The following PACSIN2 variants were observed in gnomAD, a reference collection of about 807,000 sequenced individuals.
The protein encoded by PACSIN2 is protein kinase C and casein kinase substrate in neurons 2.
Under a neutral mutation model 63.8 loss-of-function variants are expected in PACSIN2, and 25 were observed. The ratio of observed to expected loss-of-function variants is 0.39; its 90% confidence interval spans 0.29 to 0.55. The LOEUF is 0.55. Ranked by LOEUF, PACSIN2 falls within the 20% of genes least tolerant of loss-of-function variation. PACSIN2 has a pLI of 0.62. For synonymous variants in PACSIN2, 255 were observed against 256.2 expected (o/e 1.00, Z 0.05); for missense variants, 518 against 646.9 (o/e 0.80, Z 2.16).
rs759308087 is a variant in PACSIN2 at position 42,871,309 on chromosome 22, C to A, written c.*48G>T. ...TGGATGCCCACGTGGCTGGCTGAGG[C>A]TCCTGGGCCCGCCGCCTCCGTCCCC... On this transcript the variant is annotated 3_prime_UTR_variant, in exon 11 of 11. Transcript: ENST00000263246. The surrounding 1 kb of genome is among the most constrained non-coding windows in gnomAD (Gnocchi z 5.4). 5 of 1,227,644 alleles carry A rather than the reference C, an allele frequency of 4.1e-6. No individual in the cohort carries two copies. Among genetic ancestry groups the A allele is most frequent in the Non-Finnish European group, 6.0e-6 (5 of 832,472 alleles). The allele number at this position is 1,227,644 out of a possible 1,614,324, so 76.0% of individuals were successfully genotyped here. A position where few individuals can be genotyped will look rare whatever the true frequency, so the allele number is the denominator to read the frequency against.
intron 1 of PACSIN2, among the ~76,000 whole-genome samples, chr22:42,950,664 G>A (rs10483215): frequency 0.06 from 9,175 of 152,204 alleles, 907 homozygotes; most frequent in African/African-American, 0.21. Context: ...GCATTCTTAC[G>A]TCTAAAAAGC....
At chr22:42,994,258 T>C (rs1923247998) in intron 1 of PACSIN2, among the ~76,000 whole-genome samples, 1 of 152,166 alleles carries the variant, frequency 6.6e-6, no homozygotes, top group Admixed American at 6.5e-5. Context: ...ACAGGCCTGC[T>C]CTTAACCCCA....
At chr22:42,965,473 G>A (rs992646760) in intron 1 of PACSIN2, among the ~76,000 whole-genome samples, 1 of 152,180 alleles carries the variant, frequency 6.6e-6, no homozygotes, top group African/African-American at 2.4e-5. Flanking sequence ...CAGGAGAAAA[G>A]GAAGAAAAGC....
intron 1 of PACSIN2, among the ~76,000 whole-genome samples, chr22:42,942,338 T>C (rs915618319): frequency 2.0e-5 from 3 of 152,136 alleles, no homozygotes; most frequent in African/African-American, 7.2e-5. Flanking sequence ...GATAACATCC[T>C]CTGAAGCACA....
In PACSIN2 at chr22:42,982,883, A is replaced by C. The variant is rs980482804; in HGVS notation, c.-78+32138T>G. Among the ~76,000 whole-genome samples, 20 of 137,270 alleles carry C rather than the reference A, an allele frequency of 1.5e-4. 1 individual carries two copies. Among genetic ancestry groups the C allele is most frequent in the African/African-American group, 5.3e-4 (19 of 35,968 alleles). The allele number at this position is 137,270 out of a possible 152,430, so 90.1% of individuals were successfully genotyped here. Reference sequence around the variant, plus strand: ...AGAATGATCAATAAAAAAAAAAAAAAAAAAAAACAACAACAAGGCTAGGAG... The same window carrying C: ...AGAATGATCAATAAAAAAAAAAAAACAAAAAAACAACAACAAGGCTAGGAG... On this transcript the variant is annotated intron_variant, in intron 1 of 10. Coordinates refer to ENST00000263246, the MANE Select transcript of PACSIN2 (RefSeq NM_001184970.3).
intron 5 of PACSIN2, among the ~76,000 whole-genome samples, chr22:42,887,681 C>A (rs1929594727): frequency 6.6e-6 from 1 of 152,164 alleles, no homozygotes; most frequent in Non-Finnish European, 1.5e-5. Flanking sequence ...GAGCCCCTCC[C>A]TTCCTGTGAA....
rs559424844 is a variant in PACSIN2, at chr22:43,008,541, G to T, written c.-78+6480C>A. ...TGGAATTACAGGCGTTAGCCACCAC[G>T]CCCGGCCTAAGTTCAGTGTTCTTTT... On this transcript the variant is annotated intron_variant, in intron 1 of 10. Transcript: ENST00000263246. Among the ~76,000 whole-genome samples the T allele has an allele frequency of 2.0e-5, 3 of 152,342 alleles. No individual in the cohort carries two copies. The East Asian group carries it at 5.8e-4, about 29-fold the overall frequency.
rs1239727910 is a variant in PACSIN2, at chr22:42,897,900, C to A, written c.61-4287G>T. 4.6e-5 allele frequency among the ~76,000 whole-genome samples: 7 copies of A among 152,162 alleles called. No homozygotes were observed. The East Asian group carries it at 1.2e-3, about 25-fold the overall frequency. On this transcript the variant is annotated intron_variant, in intron 2 of 10. Transcript: ENST00000263246. ...GTGTGTCCACATGGCAACCCTGGGG[C>A]CCTGAGAGAAGTCAGCTGGGAATGG...
chr22:42,983,355 T>C (rs1601603137), intron 1 of PACSIN2, among the ~76,000 whole-genome samples: 1 of 144,970 alleles, frequency 6.9e-6, no homozygotes, highest in African/African-American at 2.6e-5. Context: ...CTGGGTGTGG[T>C]GGCACACACT....
At chr22:42,892,535 G>T (rs1290471467) in intron 3 of PACSIN2, among the ~76,000 whole-genome samples, 2 of 152,208 alleles carry the variant, frequency 1.3e-5, no homozygotes, top group African/African-American at 4.8e-5. Context: ...CTTGATCCTG[G>T]GAGAGGGGCT....
At chr22:42,983,489 CA>C (rs775403003) in intron 1 of PACSIN2, among the ~76,000 whole-genome samples, 35 of 82,296 alleles carry the variant, frequency 4.3e-4, no homozygotes, top group African/African-American at 1.4e-3. Context: ...GACTCCATCT[CA>C]AAAAAAAAAA....
At chr22:42,925,425 A>C (rs906235907) in intron 1 of PACSIN2, among the ~76,000 whole-genome samples, 1 of 151,726 alleles carries the variant, frequency 6.6e-6, no homozygotes, top group Non-Finnish European at 1.5e-5. Context: ...GGTTGCAGTG[A>C]GCCAAGATCA....
At chr22:43,014,503 C>G (rs971484054) in intron 1 of PACSIN2, among the ~76,000 whole-genome samples, 25 of 151,930 alleles carry the variant, frequency 1.6e-4, no homozygotes, top group African/African-American at 5.1e-4. Flanking sequence ...TGCCCTCTCA[C>G]CGGCGCGTCC....
At position 42,912,070 on chromosome 22, in the gene PACSIN2, G is replaced by A. The variant is rs770685655; in HGVS notation, c.11C>T (p.Thr4Ile). The A allele has an allele frequency of 6.3e-7, 1 of 1,598,600 alleles. No homozygotes were observed. Among genetic ancestry groups the A allele is most frequent in the South Asian group, 1.1e-5 (1 of 87,814 alleles). MSV[T>I]YDDSVGVEVS... ...TTCTACTCCAACGGAATCATCATAT[G>A]TGACAGACATTTTTTCAAAGGCTGA... The change falls in exon 2 of 11, where the codon ACA (threonine) becomes ATA (isoleucine). Residue 4 changes from threonine to isoleucine, a missense_variant. Physicochemically the swap from Thr to Ile is moderately conservative, Grantham distance 89 (BLOSUM62 -1). Transcript: ENST00000263246.
chr22:42,987,419 T>C (rs375231897), intron 1 of PACSIN2, among the ~76,000 whole-genome samples: 6 of 143,764 alleles, frequency 4.2e-5, no homozygotes, highest in Middle Eastern at 7.2e-3. Context: ...CAGCATGTGG[T>C]TTGAGACACC....
rs1372696599 is a variant in PACSIN2 at position 42,876,754 on chromosome 22, C to A, written c.1151+134G>T. On this transcript the variant is annotated intron_variant, in intron 9 of 10. Transcript: ENST00000263246. The stretch of plus-strand genomic sequence containing the variant: ...AGAGAGCAGGTAGTGGGCCAGGGTG[C>A]GGCACGCCAGGTGCCCACTTCCTGC... 5 of 1,132,802 alleles carry A rather than the reference C, an allele frequency of 4.4e-6. No homozygotes were observed. In the African/African-American group the frequency reaches 7.6e-5, roughly 17 times the overall value. 70.2% of individuals were successfully genotyped at this position (1,132,802 alleles called of 1,614,324 possible). A position where few individuals can be genotyped will look rare whatever the true frequency, so the allele number is the denominator to read the frequency against.
rs1928065295 is a variant in PACSIN2 at position 42,870,999 on chromosome 22, T to C, written c.*358A>G. 8.2e-6 allele frequency: 2 copies of C among 242,618 alleles called. No homozygotes were observed. The highest frequency in any genetic ancestry group is 1.5e-3 in the Middle Eastern group (1 of 674). The allele number at this position is 242,618 out of a possible 1,614,324, so 15.0% of individuals were successfully genotyped here. ...GCTTGTTCATTTAAGTTGCAGGTGA[T>C]GGACTCGTCAGAGAGAGTAATCAGT... is the stretch of plus-strand genomic sequence containing the variant. On this transcript the variant is annotated 3_prime_UTR_variant, in exon 11 of 11. Transcript: ENST00000263246.
At chr22:42,991,610 T>C (rs1193865720) in intron 1 of PACSIN2, among the ~76,000 whole-genome samples, 1 of 152,186 alleles carries the variant, frequency 6.6e-6, no homozygotes, top group Non-Finnish European at 1.5e-5. Flanking sequence ...ATAGAGCTCC[T>C]GCTGTCAGGA....
intron 7 of PACSIN2, 45 bp downstream of exon 7, chr22:42,882,139 G>A: frequency 6.2e-7 from 1 of 1,607,708 alleles, no homozygotes; most frequent in Non-Finnish European, 8.5e-7. Context: ...GTGGGCCCAG[G>A]TCCTCTTCCA....
Sources: allele counts gnomAD v4.1 joint callset (sites outside exome capture counted in the v4.1 genomes callset), GRCh38; gene constraint gnomAD v4.1.1; non-coding constraint Gnocchi (gnomAD v3.1); transcripts MANE v1.5; gene names NCBI Gene and HGNC (gene_info 2026-07-23, HGNC 2026-07-21).